The following MAD1L1 variants were observed in gnomAD, a reference collection of about 807,000 sequenced individuals.
MAD1L1 encodes the protein mitotic arrest deficient 1 like 1.
MAD1L1 carries 95 observed loss-of-function variants against 96.9 expected under a neutral mutation model. The ratio of observed to expected loss-of-function variants is 0.98; its 90% CI spans 0.83 to 1.16. MAD1L1 has a LOEUF of 1.16. Ranked by LOEUF, MAD1L1 falls within the 50% of genes most tolerant of loss-of-function variation. The pLI, the probability that MAD1L1 is intolerant of heterozygous loss-of-function variation, is 0.00. For missense variants in MAD1L1, 1,007 were observed against 954.4 expected, an observed-to-expected ratio of 1.06 and a Z score of -0.73; for synonymous variants, 473 against 396.6, an observed-to-expected ratio of 1.19 and a Z score of -2.29.
chr7:2,051,403 G>A (rs1335344306), intron 12 of MAD1L1, among the ~76,000 whole-genome samples: 1 of 152,204 alleles, frequency 6.6e-6, no homozygotes, highest in Non-Finnish European at 1.5e-5. Context: ...GTGGAGCCTT[G>A]GCCTACAGGA....
At chr7:1,825,981 C>T (rs1464924454) in intron 18 of MAD1L1, among the ~76,000 whole-genome samples, 3 of 152,160 alleles carry the variant, frequency 2.0e-5, no homozygotes, top group African/African-American at 4.8e-5. Context: ...GAGGTCGGCG[C>T]GGCCCCAGCT....
intron 18 of MAD1L1, 61 bp from the exon 19 acceptor site, chr7:1,816,289 C>G: frequency 6.7e-7 from 1 of 1,483,826 alleles, no homozygotes; most frequent in Non-Finnish European, 9.2e-7. Context: ...CTCCCTCTCC[C>G]CTCCCTCCCT....
At chr7:2,048,510 C>G (rs1441381270) in intron 12 of MAD1L1, among the ~76,000 whole-genome samples, 3 of 152,188 alleles carry the variant, frequency 2.0e-5, no homozygotes, top group African/African-American at 7.2e-5. Flanking sequence ...AGGTCCCATG[C>G]CAGGTATTTA....
At chr7:1,945,149 C>G (rs1779170308) in intron 16 of MAD1L1, among the ~76,000 whole-genome samples, 1 of 152,214 alleles carries the variant, frequency 6.6e-6, no homozygotes, top group Non-Finnish European at 1.5e-5. Flanking sequence ...GCCCGCTCAG[C>G]AGGGGCCCAG....
At chr7:1,950,235 C>T (rs965803450) in intron 16 of MAD1L1, among the ~76,000 whole-genome samples, 1 of 152,238 alleles carries the variant, frequency 6.6e-6, no homozygotes, top group African/African-American at 2.4e-5. Context: ...ACCCTGACCT[C>T]AGTCTCATGT....
intron 10 of MAD1L1, among the ~76,000 whole-genome samples, chr7:2,195,768 C>T (rs1791955219): frequency 6.6e-6 from 1 of 152,258 alleles, no homozygotes; most frequent in Non-Finnish European, 1.5e-5. Context: ...CCACTGAAAA[C>T]CAAATCCCAG....
At chr7:2,121,938 G>A (rs931676724) in intron 11 of MAD1L1, among the ~76,000 whole-genome samples, 16 of 152,178 alleles carry the variant, frequency 1.1e-4, no homozygotes, top group African/African-American at 2.2e-4. Context: ...CGGCAAAGGC[G>A]CACAGAAGGG....
chr7:1,875,477 C>T (rs1293742326), intron 18 of MAD1L1, among the ~76,000 whole-genome samples: 2 of 152,176 alleles, frequency 1.3e-5, no homozygotes, highest in Non-Finnish European at 1.5e-5. Context: ...AGGCTGGGCA[C>T]ACCCTCCACT....
intron 15 of MAD1L1, among the ~76,000 whole-genome samples, chr7:1,973,427 G>A (rs1583961606): frequency 1.3e-5 from 2 of 151,822 alleles, no homozygotes; most frequent in South Asian, 2.1e-4. Context: ...AGACAGGCAG[G>A]TGTGAACTGG....
intron 11 of MAD1L1, among the ~76,000 whole-genome samples, chr7:2,097,387 G>A (rs562583602): frequency 5.9e-5 from 9 of 152,278 alleles, no homozygotes; most frequent in African/African-American, 1.2e-4. Flanking sequence ...TGCAGGCAGC[G>A]AGGACGTGGG....
At chr7:1,915,874 G>C (rs1446184687) in intron 17 of MAD1L1, among the ~76,000 whole-genome samples, 6 of 152,144 alleles carry the variant, frequency 3.9e-5, no homozygotes, top group Non-Finnish European at 8.8e-5. Flanking sequence ...TTGGGACAAA[G>C]CACTACCACC....
At chr7:1,820,316 G>C (rs914883323) in intron 18 of MAD1L1, among the ~76,000 whole-genome samples, 7 of 152,180 alleles carry the variant, frequency 4.6e-5, no homozygotes, top group African/African-American at 1.7e-4. Context: ...CTCAATGCCT[G>C]TATCAGGAAA....
intron 18 of MAD1L1, among the ~76,000 whole-genome samples, chr7:1,819,437 C>T (rs966979424): frequency 2.0e-5 from 3 of 152,176 alleles, no homozygotes; most frequent in Non-Finnish European, 1.5e-5. Flanking sequence ...GGCCACTGCA[C>T]TCTAGTCCAG....
intron 8 of MAD1L1, 77 bp from the exon 9 acceptor site, chr7:2,216,076 T>C (rs199962164): frequency 4.7e-5 from 76 of 1,609,490 alleles, no homozygotes; most frequent in Admixed American, 1.0e-4. Flanking sequence ...GCCCTGCCCC[T>C]ACAGGGTCTG....
chr7:1,914,280 C>T (rs28700925), intron 17 of MAD1L1, among the ~76,000 whole-genome samples: 13,061 of 152,264 alleles, frequency 0.086, 1,815 homozygotes, highest in African/African-American at 0.29. Context: ...GGCCCAGGAC[C>T]GCACGTGGGA....
intron 16 of MAD1L1, among the ~76,000 whole-genome samples, chr7:1,949,231 G>C (rs1562553766): frequency 6.6e-6 from 1 of 152,182 alleles, no homozygotes. Flanking sequence ...TGTCTGTAGA[G>C]TGGTGGCTAT....
At chr7:2,115,287 C>A (rs1787611138) in intron 11 of MAD1L1, among the ~76,000 whole-genome samples, 1 of 151,106 alleles carries the variant, frequency 6.6e-6, no homozygotes. Context: ...GGACAGGGTC[C>A]CCGCGTGTTC....
At chr7:1,846,576 G>A (rs1299164012) in intron 18 of MAD1L1, 1 of 155,098 alleles carries the variant, frequency 6.4e-6, no homozygotes, top group Non-Finnish European at 1.4e-5. Flanking sequence ...CCGGCCCTGG[G>A]AGGTCACTGG....
At chr7:1,940,022 C>T (rs1778870141) in intron 16 of MAD1L1, 1 of 152,476 alleles carries the variant, frequency 6.6e-6, no homozygotes, top group South Asian at 2.1e-4. Flanking sequence ...CGTCACGTCA[C>T]ACAAGCTAAC....
Sources: gnomAD v4.1 joint callset for allele counts (sites outside exome capture counted in the v4.1 genomes callset) on GRCh38, gnomAD v4.1.1 for gene constraint, MANE v1.5 for transcripts, NCBI Gene and HGNC (gene_info 2026-07-23, HGNC 2026-07-21) for gene names.